N4BP1: variants seen among roughly 807,000 people sequenced by gnomAD.
N4BP1 encodes the protein NEDD4-binding protein 1.
In N4BP1, 21 loss-of-function variants were observed where a neutral mutation model predicts 70.9. The observed-to-expected ratio is 0.30, with a 90% CI of 0.21 to 0.43. N4BP1 has a LOEUF of 0.43. Among genes scored for constraint, N4BP1 ranks in the 20% least tolerant of loss-of-function variants. The pLI is 1.00. For missense variants in N4BP1, 936 were observed against 1,069.4 expected (o/e 0.88, Z 1.74); for synonymous variants, 387 against 394.6 (o/e 0.98, Z 0.23).
chr16:48,597,630 A>G (rs1964435767), intron 1 of N4BP1, among the ~76,000 whole-genome samples: 1 of 152,156 alleles, frequency 6.6e-6, no homozygotes, highest in Non-Finnish European at 1.5e-5. Context: ...TTCTTCTTCA[A>G]CCTGTCCCAT....
At chr16:48,579,738 G>T (rs1231009678) in intron 1 of N4BP1, among the ~76,000 whole-genome samples, 3 of 151,858 alleles carry the variant, frequency 2.0e-5, no homozygotes, top group Non-Finnish European at 4.4e-5. Context: ...CACCAGTAGG[G>T]TCACACAGAC....
intron 1 of N4BP1, among the ~76,000 whole-genome samples, chr16:48,581,491 T>C (rs958917048): frequency 3.3e-5 from 5 of 152,090 alleles, no homozygotes; most frequent in African/African-American, 1.2e-4. Flanking sequence ...TTTTACTATA[T>C]AGGAAACCCC....
At position 48,562,130 on chromosome 16, in the gene N4BP1, G is replaced by A. The variant is rs747121964; in HGVS notation, c.513C>T (p.Tyr171=). ...TGGGCAAAATCAACAAATCCATTGT[G>A]TAATTGTCTGCATGGGCTTCAACAA... ...KQFVEAHADN[Y]TMDLLILPTS... Residue 171 remains tyrosine, a synonymous_variant, in exon 2 of 7, where the codon TAC becomes TAT. Transcript: ENST00000262384. 12 of 1,613,968 alleles carry A rather than the reference G, an allele frequency of 7.4e-6. No homozygotes were observed. The highest frequency in any genetic ancestry group is 3.3e-5 in the South Asian group (3 of 91,084).
intron 1 of N4BP1, among the ~76,000 whole-genome samples, chr16:48,592,168 G>A (rs1460531372): frequency 6.6e-6 from 1 of 152,170 alleles, no homozygotes; most frequent in Non-Finnish European, 1.5e-5. Flanking sequence ...GGTGGAGGTT[G>A]CAATGAGCCA....
At chr16:48,577,968 G>GAACACTT (rs940926031) in intron 1 of N4BP1, 4 of 155,272 alleles carry the variant, frequency 2.6e-5, no homozygotes, top group African/African-American at 9.6e-5. Context: ...CATCTCCTTG[G>GAACACTT]AACACTTAAC....
intron 1 of N4BP1, among the ~76,000 whole-genome samples, chr16:48,570,369 G>A (rs534659303): frequency 4.6e-4 from 70 of 152,134 alleles, no homozygotes; most frequent in Middle Eastern, 3.4e-3. Context: ...TTTTTGAGAC[G>A]GAGTCTCACT....
intron 1 of N4BP1, among the ~76,000 whole-genome samples, chr16:48,570,855 C>CT (rs1464624552): frequency 6.6e-6 from 1 of 152,154 alleles, no homozygotes; most frequent in East Asian, 1.9e-4. Flanking sequence ...GAGTCTCACT[C>CT]TGTCACCCAG....
chr16:48,556,995 A>C (rs1035303890), intron 2 of N4BP1, among the ~76,000 whole-genome samples: 5 of 152,122 alleles, frequency 3.3e-5, no homozygotes, highest in Non-Finnish European at 7.4e-5. Flanking sequence ...CATACACCAC[A>C]AACAATTTCC....
At chr16:48,597,476 G>A (rs1964433284) in intron 1 of N4BP1, among the ~76,000 whole-genome samples, 1 of 152,142 alleles carries the variant, frequency 6.6e-6, no homozygotes, top group Middle Eastern at 3.2e-3. Context: ...CTATTTTCCT[G>A]TAGATAAAAT....
At position 48,538,922 on chromosome 16, in the gene N4BP1, T is replaced by C. The variant is rs1391266055; in HGVS notation, c.*3982A>G. 3 of 152,162 alleles carry C rather than the reference T, an allele frequency of 2.0e-5. No individual in the cohort carries two copies. The highest frequency in any genetic ancestry group is 4.4e-5 in the Non-Finnish European group (3 of 68,086). The allele number at this position is 152,162 out of a possible 1,614,324, so 9.4% of individuals were successfully genotyped here. A position where few individuals can be genotyped will look rare whatever the true frequency, so the allele number is the denominator to read the frequency against. Reference sequence around the variant, plus strand: ...GCTCAAAGCGAGACACAAAGTGCTGTGCGGTCACAACATCATGGGGATGCT... The same window carrying C: ...GCTCAAAGCGAGACACAAAGTGCTGCGCGGTCACAACATCATGGGGATGCT... On this transcript the variant is annotated 3_prime_UTR_variant, in exon 7 of 7. Transcript: ENST00000262384.
intron 1 of N4BP1, among the ~76,000 whole-genome samples, chr16:48,595,746 C>T (rs546450630): frequency 6.6e-6 from 1 of 152,306 alleles, no homozygotes; most frequent in African/African-American, 2.4e-5. Context: ...TCAAACTTGA[C>T]TTATAGAGCC....
intron 2 of N4BP1, among the ~76,000 whole-genome samples, chr16:48,558,980 T>G (rs1253263984): frequency 6.6e-6 from 1 of 152,158 alleles, no homozygotes; most frequent in Non-Finnish European, 1.5e-5. Context: ...GATAATTCAT[T>G]CAAATAATAA....
At position 48,543,256 on chromosome 16, in the gene N4BP1, A is replaced by G. The variant is rs371577144; in HGVS notation, c.2339T>C (p.Met780Thr). The change falls in exon 7 of 7, where the codon ATG (methionine) becomes ACG (threonine). Residue 780 changes from methionine to threonine, a missense_variant. By Grantham distance (81) the Met-to-Thr change is moderately conservative (BLOSUM62 -1). Around this residue, in one of 4 missense-constraint regions of N4BP1, gnomAD observed 229 missense variants for 343.5 expected, o/e 0.67. Transcript: ENST00000262384. ...TGGCAGGGCACTGAGTAGGGGCTGC[A>G]TATCTCTGTGAATGGAAGTGAGTCC... ...FLQKEVCLRD[M>T]QPLLSALPNV... 21 of 1,515,250 alleles carry G rather than the reference A, an allele frequency of 1.4e-5. No individual in the cohort carries two copies. Among genetic ancestry groups the G allele is most frequent in the Admixed American group, 1.3e-4 (6 of 44,780 alleles). The allele number at this position is 1,515,250 out of a possible 1,614,324, so 93.9% of individuals were successfully genotyped here.
At position 48,560,957 on chromosome 16, in the gene N4BP1, A is replaced by G; in HGVS notation, c.1686T>C (p.Ser562=). Residue 562 remains serine, a synonymous_variant, in exon 2 of 7, where the codon TCT becomes TCC. Coordinates refer to ENST00000262384, the MANE Select transcript of N4BP1 (RefSeq NM_153029.4). ...PHSKPNCSTL[S]PPMPLPQLLP... ...ACAGCTGGGGCAGTGGCATTGGTGG[A>G]GAAAGGGTTGAGCAATTTGGCTTAG... The G allele has an allele frequency of 6.2e-7, 1 of 1,614,020 alleles. No individual in the cohort carries two copies. Among genetic ancestry groups the G allele is most frequent in the Admixed American group, 1.7e-5 (1 of 60,028 alleles).
intron 1 of N4BP1, among the ~76,000 whole-genome samples, chr16:48,602,572 C>T (rs1473122537): frequency 6.6e-6 from 1 of 152,078 alleles, no homozygotes; most frequent in African/African-American, 2.4e-5. Context: ...GAACAAACCA[C>T]TGTTTCTTAA....
At chr16:48,573,007 G>A (rs774340414) in intron 1 of N4BP1, among the ~76,000 whole-genome samples, 67 of 151,668 alleles carry the variant, frequency 4.4e-4, no homozygotes, top group Non-Finnish European at 6.9e-4. Context: ...AGCTACTCAG[G>A]AAGCTGAGGT....
chr16:48,584,771 A>T (rs1964220089), intron 1 of N4BP1, among the ~76,000 whole-genome samples: 1 of 151,936 alleles, frequency 6.6e-6, no homozygotes. Flanking sequence ...AAATAGAAAA[A>T]CTCCAAAACT....
chr16:48,550,732 C>T (rs919385394), intron 4 of N4BP1, among the ~76,000 whole-genome samples: 22 of 151,822 alleles, frequency 1.4e-4, no homozygotes, highest in African/African-American at 5.1e-4. Flanking sequence ...GGAAAAACCC[C>T]GTCTCACTGC....
Position 48,561,889 on chromosome 16 carries a change from C to T in N4BP1, c.754G>A (p.Asp252Asn). Residue 252 changes from aspartate to asparagine, a missense_variant, in exon 2 of 7, where the codon GAC becomes AAC. Physicochemically the swap from Asp to Asn is conservative, Grantham distance 23. Transcript: ENST00000262384. Reference protein sequence around the residue: ...TPVSELTKQMDTVLSSSPDVL... With the variant: ...TPVSELTKQMNTVLSSSPDVL... Reference sequence around the variant, plus strand: ...TCTGGTGAGCTAGAAAGGACTGTGTCCATTTGTTTTGTAAGCTCAGAAACA... The same window carrying T: ...TCTGGTGAGCTAGAAAGGACTGTGTTCATTTGTTTTGTAAGCTCAGAAACA... 1 of 1,613,866 alleles carries T rather than the reference C, an allele frequency of 6.2e-7. No homozygotes were observed. Among genetic ancestry groups the T allele is most frequent in the Non-Finnish European group, 8.5e-7 (1 of 1,179,874 alleles).
Sources: gnomAD v4.1 joint callset for allele counts (sites outside exome capture counted in the v4.1 genomes callset) on GRCh38, gnomAD v4.1.1 for gene constraint, gnomAD v4.1.1 regional missense constraint, MANE v1.5 for transcripts, NCBI Gene and HGNC (gene_info 2026-07-23, HGNC 2026-07-21) for gene names.